SCN10A: variants seen among roughly 807,000 people sequenced by gnomAD.
The protein encoded by SCN10A is sodium channel protein type 10 subunit alpha.
SCN10A carries 162 observed loss-of-function variants against 170.7 expected under a neutral mutation model. That is an observed-to-expected ratio of 0.95 (90% CI 0.84 to 1.08). The LOEUF is 1.08. SCN10A is among the 50% of genes least tolerant of loss of function. SCN10A has a pLI of 0.00. For missense variants in SCN10A, 2,527 were observed against 2,436.9 expected, an observed-to-expected ratio of 1.04 and a Z score of -0.78; for synonymous variants, 985 against 904.6, an observed-to-expected ratio of 1.09 and a Z score of -1.59.
At chr3:38,807,883 C>A (rs2064415565) in intron 1 of SCN10A, among the ~76,000 whole-genome samples, 2 of 152,174 alleles carry the variant, frequency 1.3e-5, no homozygotes, top group East Asian at 3.9e-4. Context: ...AAGTCACAAC[C>A]ATTTCTTATC....
At chr3:38,736,988 T>A (rs2063571154) in intron 15 of SCN10A, among the ~76,000 whole-genome samples, 1 of 127,280 alleles carries the variant, frequency 7.9e-6, no homozygotes, top group Admixed American at 8.0e-5. Context: ...TTTTTTTTTT[T>A]GAGACGGAGT....
chr3:38,802,207 C>T (rs1455532974), intron 1 of SCN10A, among the ~76,000 whole-genome samples: 2 of 152,110 alleles, frequency 1.3e-5, no homozygotes, highest in South Asian at 2.1e-4. Context: ...AAATATAGCT[C>T]TGGGCCTCAG....
At chr3:38,724,620 G>C (rs1479642279) in intron 18 of SCN10A, among the ~76,000 whole-genome samples, 2 of 152,224 alleles carry the variant, frequency 1.3e-5, no homozygotes, top group Non-Finnish European at 2.9e-5. Flanking sequence ...GTGGACAAAA[G>C]AAAGTGGGGG....
At chr3:38,715,228 C>T (rs2063322810) in intron 21 of SCN10A, among the ~76,000 whole-genome samples, 1 of 152,126 alleles carries the variant, frequency 6.6e-6, no homozygotes, top group Non-Finnish European at 1.5e-5. Flanking sequence ...GGGAAGTCTG[C>T]CTCACATGGA....
chr3:38,775,295 G>A (rs972694489), intron 4 of SCN10A, among the ~76,000 whole-genome samples: 1 of 151,982 alleles, frequency 6.6e-6, no homozygotes, highest in Admixed American at 6.6e-5. Context: ...CCATGAATTT[G>A]CCTGTTCTAG....
chr3:38,716,681 T>G (rs2063337372), intron 21 of SCN10A, among the ~76,000 whole-genome samples: 1 of 152,100 alleles, frequency 6.6e-6, no homozygotes, highest in Non-Finnish European at 1.5e-5. Context: ...GATAGATAGT[T>G]GAATGGAAGG....
intron 4 of SCN10A, among the ~76,000 whole-genome samples, chr3:38,783,392 A>G (rs2064161954): frequency 6.6e-6 from 1 of 152,120 alleles, no homozygotes; most frequent in African/African-American, 2.4e-5. Context: ...CTTCATAAGT[A>G]TGCATTCCTA....
At chr3:38,777,837 A>C (rs1559460176) in intron 4 of SCN10A, among the ~76,000 whole-genome samples, 2 of 152,092 alleles carry the variant, frequency 1.3e-5, no homozygotes, top group Non-Finnish European at 2.9e-5. Flanking sequence ...TATTGAAAAA[A>C]ATGTTGGAAT....
chr3:38,794,635 G>A lies in SCN10A; in HGVS notation c.-32-593C>T, dbSNP rs138808791. ...TCCCCATAACCAGATTAGACCTGTG[G>A]TCCACAATTTTGCCACTCCCTCACC... On this transcript the variant is annotated intron_variant, in intron 1 of 27. Coordinates refer to ENST00000449082, the MANE Select transcript of SCN10A (RefSeq NM_006514.4). Among the ~76,000 whole-genome samples, 13 of 152,214 alleles carry A rather than the reference G, an allele frequency of 8.5e-5. No homozygotes were observed. The East Asian group carries it at 2.3e-3, about 27-fold the overall frequency.
intron 4 of SCN10A, among the ~76,000 whole-genome samples, chr3:38,783,704 C>A (rs2064165410): frequency 6.6e-6 from 1 of 152,006 alleles, no homozygotes; most frequent in South Asian, 2.1e-4. Context: ...GTACATATTT[C>A]TGTTAAACAT....
chr3:38,749,077 A>G (rs2063721982), intron 13 of SCN10A, among the ~76,000 whole-genome samples: 2 of 152,246 alleles, frequency 1.3e-5, no homozygotes, highest in Admixed American at 1.3e-4. Context: ...GTTTCTGTGC[A>G]TGTGAATCTC....
At chr3:38,766,420 T>G (rs1304242363) in intron 5 of SCN10A, among the ~76,000 whole-genome samples, 1 of 152,104 alleles carries the variant, frequency 6.6e-6, no homozygotes, top group African/African-American at 2.4e-5. Flanking sequence ...TCTATGCCAA[T>G]TTGGTTGAGG....
In SCN10A at chr3:38,698,476, G is replaced by T; in HGVS notation, c.4744C>A (p.Arg1582Ser). 6.2e-7 allele frequency: 1 copy of T among 1,614,200 alleles called. No homozygotes were observed. Among genetic ancestry groups the T allele is most frequent in the Non-Finnish European group, 8.5e-7 (1 of 1,180,032 alleles). Residue 1582 changes from arginine (R) to serine (S), a missense_variant, in exon 28 of 28, where the codon CGC (arginine) becomes AGC (serine). Transcript: ENST00000449082. ...GCCGCTCGGATCAGTCTGAGGATGC[G>T]GCCAATTCGGGCCAGGCGGATGACT... ...FRVIRLARIG[R>S]ILRLIRAAKG...
intron 2 of SCN10A, 92 bp downstream of exon 2, chr3:38,793,649 C>A: frequency 7.5e-7 from 1 of 1,336,342 alleles, no homozygotes; most frequent in Non-Finnish European, 1.0e-6. Context: ...ACTGCCACAT[C>A]ACCCAGGGCC....
intron 1 of SCN10A, among the ~76,000 whole-genome samples, chr3:38,801,988 A>C (rs966686186): frequency 1.3e-5 from 2 of 152,120 alleles, no homozygotes; most frequent in African/African-American, 4.8e-5. Flanking sequence ...ATTGTCTTCC[A>C]TGATCTCATC....
At chr3:38,757,839 C>T (rs1408770970) in intron 8 of SCN10A, among the ~76,000 whole-genome samples, 1 of 152,136 alleles carries the variant, frequency 6.6e-6, no homozygotes, top group African/African-American at 2.4e-5. Flanking sequence ...TTAAAAATGA[C>T]TGCCTGGTGA....
At chr3:38,723,134 G>A (rs1376523595) in intron 19 of SCN10A, among the ~76,000 whole-genome samples, 2 of 152,126 alleles carry the variant, frequency 1.3e-5, no homozygotes, top group East Asian at 1.9e-4. Context: ...TGGTGACTAC[G>A]TTTCCCCCTT....
At chr3:38,753,880 C>T (rs182114202) in intron 11 of SCN10A, among the ~76,000 whole-genome samples, 164 of 152,288 alleles carry the variant, frequency 1.1e-3, no homozygotes, top group African/African-American at 3.6e-3. Flanking sequence ...CATCCTCTAA[C>T]GAGACCAACT....
intron 21 of SCN10A, 40 bp from the exon 22 acceptor site, chr3:38,714,120 CAGAAAGGCA>C: frequency 6.2e-7 from 1 of 1,606,796 alleles, no homozygotes; most frequent in Non-Finnish European, 8.5e-7. Context: ...TCTAGGTTTC[CAGAAAGGCA>C]GTCCTCGTGG....
Sources: allele counts gnomAD v4.1 joint callset (sites outside exome capture counted in the v4.1 genomes callset), GRCh38; gene constraint gnomAD v4.1.1; transcripts MANE v1.5; gene names NCBI Gene and HGNC (gene_info 2026-07-23, HGNC 2026-07-21).